ABCC10: variants seen among roughly 807,000 people sequenced by gnomAD.
The protein encoded by ABCC10 is ATP-binding cassette sub-family C member 10.
A neutral mutation model predicts 143.2 loss-of-function variants in ABCC10; 110 were observed. The ratio of observed to expected loss-of-function variants is 0.77; its 90% CI spans 0.66 to 0.90. The LOEUF (loss-of-function observed/expected upper bound fraction) is 0.90, where lower values mean the gene tolerates loss of function less well. Ranked by LOEUF, ABCC10 falls within the 40% of genes least tolerant of loss-of-function variation. ABCC10 has a pLI of 0.00. For missense variants in ABCC10, 1,700 were observed against 1,900.5 expected, an observed-to-expected ratio of 0.89 and a Z score of 1.96; for synonymous variants, 805 against 846.7, an observed-to-expected ratio of 0.95 and a Z score of 0.85.
chr6:43,446,015 A>G, intron 15 of ABCC10, 73 bp downstream of exon 15: 1 of 1,477,398 alleles, frequency 6.8e-7, no homozygotes, highest in Non-Finnish European at 9.1e-7. Flanking sequence ...GAAGAGGAAT[A>G]TGCAGGGTAT....
chr6:43,448,635 T>C (rs1158710037), intron 18 of ABCC10, among the ~76,000 whole-genome samples: 1 of 152,176 alleles, frequency 6.6e-6, no homozygotes, highest in Non-Finnish European at 1.5e-5. Context: ...CTCCGTGAAA[T>C]GTAGGCACCT....
intron 14 of ABCC10, 92 bp downstream of exon 14, chr6:43,445,406 G>A: frequency 1.4e-6 from 2 of 1,439,460 alleles, no homozygotes; most frequent in Non-Finnish European, 1.9e-6. Flanking sequence ...GGATGGGAGA[G>A]TCTTTCCTGC....
intron 8 of ABCC10, 126 bp downstream of exon 8, chr6:43,438,921 C>A: frequency 8.5e-7 from 1 of 1,175,432 alleles, no homozygotes; most frequent in Non-Finnish European, 1.2e-6. Flanking sequence ...CTAGGAATGG[C>A]CATCGGACTG....
downstream of ABCC10, chr6:43,450,441 T>C (rs551599130): frequency 5.8e-6 from 8 of 1,369,660 alleles, no homozygotes; most frequent in South Asian, 1.2e-4. The surrounding 1 kb of genome is among the most constrained non-coding windows in gnomAD (Gnocchi z 4.5). Flanking sequence ...TGAGGTCTCC[T>C]CTGTGTGTGT....
Position 43,438,720 on chromosome 6 carries a change from C to A in ABCC10, c.2052C>A (p.Ile684=). Residue 684 remains isoleucine (I), a synonymous_variant, in exon 8 of 22, where the codon ATC becomes ATA. Transcript: ENST00000372530. The stretch of plus-strand genomic sequence containing the variant: ...AGTTTGCCACCATCCGAGACAACAT[C>A]CTCTTTGGGAAGACATTTGATGCAC... ...WIQFATIRDN[I]LFGKTFDAQL... is the part of the protein sequence containing the mutation. 1 of 1,614,264 alleles carries A rather than the reference C, an allele frequency of 6.2e-7. No individual in the cohort carries two copies. Among genetic ancestry groups the A allele is most frequent in the Non-Finnish European group, 8.5e-7 (1 of 1,180,052 alleles).
intron 6 of ABCC10, among the ~76,000 whole-genome samples, chr6:43,436,575 G>A (rs1410410566): frequency 6.6e-6 from 1 of 152,164 alleles, no homozygotes; most frequent in Admixed American, 6.5e-5. Context: ...CCCCCAGATT[G>A]GGGATCTGGG....
intron 2 of ABCC10, among the ~76,000 whole-genome samples, chr6:43,431,489 T>C (rs1169760573): frequency 6.6e-6 from 1 of 152,140 alleles, no homozygotes; most frequent in East Asian, 1.9e-4. Flanking sequence ...GCCTCCTGAG[T>C]AGCTGGGATT....
rs775088605 is a variant in ABCC10 at position 43,445,902 on chromosome 6, G to C, written c.3334G>C (p.Ala1112Pro). 4 of 1,613,460 alleles carry C rather than the reference G, an allele frequency of 2.5e-6. No individual in the cohort carries two copies. In the Admixed American group the frequency reaches 6.7e-5, roughly 27 times the overall value. Residue 1112 changes from alanine (A) to proline (P), a missense_variant, in exon 15 of 22, where the codon GCT (alanine) becomes CCT (proline). Transcript: ENST00000372530. ...PLYSHLADTL[A>P]GLSVLRATGA... ...GTATAGCCATCTGGCCGATACCTTG[G>C]CTGGCCTCTCTGTGCTCCGGGCCAC...
rs376922764 is a variant in ABCC10 at position 43,441,925 on chromosome 6, C to T, written c.2191C>T (p.Arg731Cys). ...EKGVTLSGGQ[R>C]ARIALARAVY... ...GGGTGTCACCCTTAGCGGAGGACAGCGTGCCCGGATTGCCCTTGCTCGTGC... is the reference window on the plus strand; with the variant it reads ...GGGTGTCACCCTTAGCGGAGGACAGTGTGCCCGGATTGCCCTTGCTCGTGC... Residue 731 changes from arginine to cysteine, a missense_variant, in exon 9 of 22, where the codon CGT becomes TGT. Transcript: ENST00000372530. 3.7e-6 allele frequency: 6 copies of T among 1,613,758 alleles called. No homozygotes were observed. The highest frequency in any genetic ancestry group is 4.5e-5 in the East Asian group (2 of 44,882).
At chr6:43,440,727 TCGTG>T (rs1298270500) in intron 8 of ABCC10, among the ~76,000 whole-genome samples, 1 of 151,814 alleles carries the variant, frequency 6.6e-6, no homozygotes. Context: ...CTGGGCGTGG[TCGTG>T]GGCACCTGTA....
rs145341963 is a variant in ABCC10 at position 43,434,798 on chromosome 6, G to A, written c.1558G>A (p.Val520Ile). 4.0e-4 allele frequency: 638 copies of A among 1,614,132 alleles called. 1 individual carries two copies. The highest frequency in any genetic ancestry group is 1.1e-3 in the South Asian group (99 of 91,078). Reference protein sequence around the residue: ...WAALPVVISIVIFITYVLMGH... With the variant: ...WAALPVVISIIIFITYVLMGH... ...TGCCCTACCGGTTGTCATCTCCATC[G>A]TTATCTTCATCACCTATGTCCTCAT... Residue 520 changes from valine to isoleucine, a missense_variant, in exon 4 of 22, where the codon GTT (valine) becomes ATT (isoleucine). By Grantham distance (29) the Val-to-Ile change is conservative. Transcript: ENST00000372530.
At chr6:43,438,299 G>T in intron 7 of ABCC10, 2 of 1,350,506 alleles carry the variant, frequency 1.5e-6, no homozygotes, top group Non-Finnish European at 1.9e-6. Context: ...AAGGGATCCA[G>T]AGAGGAGCAT....
intron 8 of ABCC10, among the ~76,000 whole-genome samples, chr6:43,441,629 A>G (rs1000534219): frequency 5.9e-5 from 9 of 152,246 alleles, no homozygotes; most frequent in Non-Finnish European, 1.3e-4. Flanking sequence ...ATAAGATTAC[A>G]TTGGGGCTTG....
intron 2 of ABCC10, among the ~76,000 whole-genome samples, chr6:43,430,551 C>T (rs1399670744): frequency 4.0e-5 from 6 of 150,206 alleles, no homozygotes; most frequent in East Asian, 2.1e-4. Flanking sequence ...GCTGAGATCA[C>T]GCCATTGCGC....
chr6:43,434,511 TG>T, intron 3 of ABCC10, 109 bp from the exon 4 acceptor site: 1 of 978,868 alleles, frequency 1.0e-6, no homozygotes, highest in Non-Finnish European at 1.6e-6. Context: ...GCAGAGTATC[TG>T]GGAGCTTAGA....
intron 12 of ABCC10, 128 bp from the exon 13 acceptor site, chr6:43,444,660 G>C (rs967626718): frequency 1.5e-6 from 2 of 1,341,714 alleles, no homozygotes; most frequent in Middle Eastern, 2.5e-4. Context: ...GTGGCAGGGT[G>C]GGGAGGCCAG....
In ABCC10 at chr6:43,433,129, A is replaced by G. The variant is rs138435046; in HGVS notation, c.1149A>G (p.Leu383=). 93 of 1,613,970 alleles carry G rather than the reference A, an allele frequency of 5.8e-5. No homozygotes were observed. The highest frequency in any genetic ancestry group is 7.7e-5 in the Non-Finnish European group (91 of 1,179,996). The change falls in exon 3 of 22, where the codon CTA becomes CTG. Residue 383 remains leucine (L), a synonymous_variant. Transcript: ENST00000372530. ...CTCCTACTGGGGAGGCCCTGAACCT[A>G]CTAGGCACTGACTCTGAACGGCTGC... ...SRPPTGEALN[L]LGTDSERLLN...
At chr6:43,446,250 G>C in intron 15 of ABCC10, 27 bp from the exon 16 acceptor site, 2 of 1,601,928 alleles carry the variant, frequency 1.2e-6, no homozygotes, top group Non-Finnish European at 1.7e-6. Flanking sequence ...CAGTGGAGTG[G>C]CTTCACATCC....
At chr6:43,449,343 G>C (rs529608762) in intron 20 of ABCC10, 79 bp from the exon 21 acceptor site, 12 of 1,499,504 alleles carry the variant, frequency 8.0e-6, no homozygotes, top group South Asian at 7.3e-5. Flanking sequence ...CTGTGGTAGG[G>C]GCTGTTGCTT....
Sources: gnomAD v4.1 joint callset for allele counts (sites outside exome capture counted in the v4.1 genomes callset) on GRCh38, gnomAD v4.1.1 for gene constraint, Gnocchi (gnomAD v3.1) non-coding constraint, MANE v1.5 for transcripts, NCBI Gene and HGNC (gene_info 2026-07-23, HGNC 2026-07-21) for gene names.